The following C11orf65 variants were observed in gnomAD, a reference collection of about 807,000 sequenced individuals.
C11orf65 encodes chromosome 11 open reading frame 65, also known as protein MFI.
A neutral mutation model predicts 35.3 loss-of-function variants in C11orf65; 38 were observed. That is an observed-to-expected ratio of 1.08 (90% CI 0.83 to 1.41). The LOEUF (loss-of-function observed/expected upper bound fraction) is 1.41, where lower values mean the gene tolerates loss of function less well. Among genes scored for constraint, C11orf65 ranks in the 40% most tolerant of loss-of-function variants. C11orf65 has a pLI of 0.00. For synonymous variants in C11orf65, 105 were observed against 114.4 expected (o/e 0.92, Z 0.53); for missense variants, 370 against 367.1 (o/e 1.01, Z -0.06).
At chr11:108,416,903 A>G (rs533880726) in intron 3 of C11orf65, among the ~76,000 whole-genome samples, 1 of 152,322 alleles carries the variant, frequency 6.6e-6, no homozygotes, top group East Asian at 1.9e-4. Context: ...TAAAAGAACA[A>G]CAGCAAGAAT....
intron 6 of C11orf65, among the ~76,000 whole-genome samples, chr11:108,403,397 ATTGT>A (rs944438122): frequency 3.7e-4 from 30 of 81,604 alleles, no homozygotes; most frequent in South Asian, 2.4e-3. Context: ...TTAAAATGTG[ATTGT>A]TTGAGAGGTT....
intron 6 of C11orf65, among the ~76,000 whole-genome samples, chr11:108,318,229 G>T (rs1165806001): frequency 1.3e-5 from 2 of 152,064 alleles, no homozygotes. Context: ...AGGCGTGGCA[G>T]CATGCGCCTG....
In C11orf65 at chr11:108,357,540, T is replaced by C. The variant is rs2090145755; in HGVS notation, c.227-22248A>G. On this transcript the variant is annotated intron_variant, in intron 2 of 3. Coordinates refer to the C11orf65 transcript ENST00000524755. Reference sequence around the variant, plus strand: ...GCAGTAACCTCTGCAGACTTAAATGTCCCTGTCTGACAGCTTTGAAGAGAG... The same window carrying C: ...GCAGTAACCTCTGCAGACTTAAATGCCCCTGTCTGACAGCTTTGAAGAGAG... Among the ~76,000 whole-genome samples the C allele has an allele frequency of 2.6e-5, 4 of 152,258 alleles. No homozygotes were observed. The South Asian group carries it at 8.3e-4, about 32-fold the overall frequency.
chr11:108,395,308 T>C (rs990278940), intron 6 of C11orf65, among the ~76,000 whole-genome samples: 20 of 151,546 alleles, frequency 1.3e-4, no homozygotes, highest in Non-Finnish European at 2.7e-4. Context: ...CTGGGTAAAA[T>C]AGGGACAACC....
intron 2 of C11orf65, among the ~76,000 whole-genome samples, chr11:108,369,790 A>AAGTT (rs1441953274): frequency 3.3e-5 from 5 of 152,300 alleles, no homozygotes; most frequent in Admixed American, 1.3e-4. Flanking sequence ...TTTCAAAATA[A>AAGTT]AGTTATTGTT....
intron 3 of C11orf65, among the ~76,000 whole-genome samples, chr11:108,426,958 T>C (rs757421548): frequency 6.6e-6 from 1 of 152,146 alleles, no homozygotes; most frequent in Admixed American, 6.6e-5. Flanking sequence ...ATTTAATAAA[T>C]AGTGCTGGGA....
chr11:108,403,124 T>C (rs1182367935), intron 6 of C11orf65, among the ~76,000 whole-genome samples: 2 of 152,204 alleles, frequency 1.3e-5, no homozygotes, highest in African/African-American at 4.8e-5. Context: ...CTAGGTAGAA[T>C]ATTTGGTGTG....
At chr11:108,464,635 C>T (rs149502033) in intron 1 of C11orf65, among the ~76,000 whole-genome samples, 200 of 152,304 alleles carry the variant, frequency 1.3e-3, no homozygotes, top group African/African-American at 4.8e-3. Context: ...GCTGGGATTA[C>T]AGGCATGAGC....
At chr11:108,335,668 A>AT (rs1405971478) in intron 2 of C11orf65, among the ~76,000 whole-genome samples, 1 of 152,170 alleles carries the variant, frequency 6.6e-6, no homozygotes, top group Non-Finnish European at 1.5e-5. Context: ...ATCAGTGTAA[A>AT]TGTTGTAGCT....
intron 6 of C11orf65, chr11:108,326,262 G>T (rs748381118): frequency 6.2e-7 from 1 of 1,610,848 alleles, no homozygotes; most frequent in South Asian, 1.1e-5. Flanking sequence ...GTGTTTTACT[G>T]TTATTTAAAA....
chr11:108,326,142 G>A lies in C11orf65; in HGVS notation c.641-17071C>T, dbSNP rs1204077610. 3.1e-6 allele frequency: 5 copies of A among 1,614,140 alleles called. No homozygotes were observed. The highest frequency in any genetic ancestry group is 1.6e-4 in the Middle Eastern group (1 of 6,062). Reference sequence around the variant, plus strand: ...TGAGTGGCAGCTGGAAGAAGCACAAGTATTCTGGGCAAAAAAGGAGCAGAG... The same window carrying A: ...TGAGTGGCAGCTGGAAGAAGCACAAATATTCTGGGCAAAAAAGGAGCAGAG... On this transcript the variant is annotated intron_variant, in intron 6 of 6. Transcript: ENST00000525729.
intron 7 of C11orf65, among the ~76,000 whole-genome samples, chr11:108,392,491 T>G (rs1196528092): frequency 1.3e-5 from 2 of 152,226 alleles, no homozygotes; most frequent in Non-Finnish European, 2.9e-5. Flanking sequence ...GGTTTTTGTG[T>G]AGACATGTAT....
chr11:108,354,909 TC>T (rs772539976), intron 2 of C11orf65: 77 of 1,548,956 alleles, frequency 5.0e-5, no homozygotes, highest in African/African-American at 4.1e-5. Context: ...TTATTTTTTT[TC>T]TTACCAGGTA....
At position 108,331,861 on chromosome 11, in the gene C11orf65, A is replaced by G. The variant is rs1236081666; in HGVS notation, c.300-294T>C. 6.2e-7 allele frequency: 1 copy of G among 1,611,788 alleles called. No homozygotes were observed. The highest frequency in any genetic ancestry group is 1.3e-5 in the African/African-American group (1 of 74,838). ...TTTTTTGTTTATTTGCATAAATCTA[A>G]TAGTTCTTTTCTTACAGCTAATCTC... is the stretch of plus-strand genomic sequence containing the variant. On this transcript the variant is annotated intron_variant, in intron 3 of 3. Transcript: ENST00000524755.
chr11:108,350,749 G>C (rs551992182), intron 2 of C11orf65, among the ~76,000 whole-genome samples: 2 of 152,274 alleles, frequency 1.3e-5, no homozygotes, highest in African/African-American at 4.8e-5. Flanking sequence ...ATCTGAGAAT[G>C]AAAGGAGAGT....
rs570926968 is a variant in C11orf65 at position 108,338,345 on chromosome 11, T to A, written c.227-3053A>T. Among the ~76,000 whole-genome samples the A allele has an allele frequency of 3.3e-5, 5 of 151,992 alleles. No individual in the cohort carries two copies. In the South Asian group the frequency reaches 1.0e-3, roughly 31 times the overall value. On this transcript the variant is annotated intron_variant, in intron 2 of 3. Transcript: ENST00000524755. ...CCAGCCTGGGTGACAGACCGAGACTTCTTCTCAAAAAAGGAAAAATGTCTA... is the reference window on the plus strand; with the variant it reads ...CCAGCCTGGGTGACAGACCGAGACTACTTCTCAAAAAAGGAAAAATGTCTA...
Position 108,325,410 on chromosome 11 carries a change from G to A in C11orf65, c.641-16339C>T, listed in dbSNP as rs1555119121. The stretch of plus-strand genomic sequence containing the variant: ...TTTTAGTTTTCAGGAGCCTATCATG[G>A]CTCTACGCACAGTCATTTTGGAGAT... On this transcript the variant is annotated intron_variant, in intron 6 of 6. Coordinates refer to the C11orf65 transcript ENST00000525729. 1 of 1,613,664 alleles carries A rather than the reference G, an allele frequency of 6.2e-7. No homozygotes were observed. Among genetic ancestry groups the A allele is most frequent in the Non-Finnish European group, 8.5e-7 (1 of 1,179,854 alleles).
In C11orf65 at chr11:108,347,347, C is replaced by CT. The variant is rs753961188; in HGVS notation, c.227-12056dup. 1.1e-5 allele frequency: 17 copies of CT among 1,605,896 alleles called. No homozygotes were observed. Among genetic ancestry groups the CT allele is most frequent in the Non-Finnish European group, 1.0e-5 (12 of 1,172,900 alleles). On this transcript the variant is annotated intron_variant, in intron 2 of 3. Coordinates refer to the C11orf65 transcript ENST00000524755. ...CTTGATAAATGAGCAGTCAGCAGAA[C>CT]TTGTACATATAGATCTAGGTAAGTA...
chr11:108,394,264 G>T (rs1460324147), intron 6 of C11orf65, among the ~76,000 whole-genome samples: 1 of 151,520 alleles, frequency 6.6e-6, no homozygotes, highest in Non-Finnish European at 1.5e-5. Flanking sequence ...GAGACCTGGA[G>T]AAGTTAAAAT....
Sources: allele counts gnomAD v4.1 joint callset (sites outside exome capture counted in the v4.1 genomes callset), GRCh38; gene constraint gnomAD v4.1.1; transcripts MANE v1.5; gene names NCBI Gene and HGNC (gene_info 2026-07-23, HGNC 2026-07-21).